The following TENM3 variants were observed in gnomAD, a reference collection of about 807,000 sequenced individuals.
TENM3 encodes the protein teneurin transmembrane protein 3.
In TENM3, 63 loss-of-function variants were observed where a neutral mutation model predicts 255.1. The observed-to-expected ratio is 0.25, with a 90% CI of 0.20 to 0.30. The LOEUF is 0.30. Among genes scored for constraint, TENM3 ranks in the 10% least tolerant of loss-of-function variants. The probability of loss-of-function intolerance (pLI) is 1.00; values close to 1 mark genes in which losing one functional copy is unlikely to be tolerated. For synonymous variants in TENM3, 1,306 were observed against 1,322.3 expected (o/e 0.99, Z 0.27); for missense variants, 2,929 against 3,461.1 (o/e 0.85, Z 3.86).
At chr4:182,126,405 A>G in the TENM3 span, among the ~76,000 whole-genome samples, 4 of 152,192 alleles carry the variant, frequency 2.6e-5, no homozygotes, top group East Asian at 7.7e-4. Flanking sequence ...TCCACAAAAC[A>G]ATAGTCTCTT....
chr4:182,252,580 C>T (rs1211227313), intron 1 of TENM3, among the ~76,000 whole-genome samples: 1 of 152,046 alleles, frequency 6.6e-6, no homozygotes, highest in East Asian at 1.9e-4. Context: ...CCTTCAGAGT[C>T]CCTCCTATTG....
intron 1 of TENM3, among the ~76,000 whole-genome samples, chr4:182,198,705 C>T (rs1000461262): frequency 1.2e-4 from 18 of 152,266 alleles, no homozygotes; most frequent in African/African-American, 3.1e-4. Flanking sequence ...GGAGTGGATG[C>T]GGACTGTTTT....
the TENM3 span, among the ~76,000 whole-genome samples, chr4:181,467,136 TTTTTTTTTTTTTA>T: frequency 1.6e-5 from 1 of 62,024 alleles, no homozygotes; most frequent in East Asian, 4.3e-4. Context: ...TTTTTTTTTT[TTTTTTTTTTTTTA>T]GGCAGAGTCT....
intron 3 of TENM3, among the ~76,000 whole-genome samples, chr4:182,558,678 G>A (rs1742816427): frequency 6.6e-6 from 1 of 152,052 alleles, no homozygotes; most frequent in Admixed American, 6.6e-5. Flanking sequence ...TCTTATTATA[G>A]CACAAAATGG....
chr4:182,251,165 T>C (rs1757990170), intron 1 of TENM3, among the ~76,000 whole-genome samples: 1 of 152,122 alleles, frequency 6.6e-6, no homozygotes, highest in Non-Finnish European at 1.5e-5. Flanking sequence ...AAAAAACCTT[T>C]CCACTTAGAA....
intron 1 of TENM3, among the ~76,000 whole-genome samples, chr4:182,303,312 T>C (rs1761951156): frequency 6.6e-6 from 1 of 152,234 alleles, no homozygotes; most frequent in Non-Finnish European, 1.5e-5. Context: ...ATTTCACACG[T>C]TGGTTACTGT....
chr4:181,551,243 G>A, the TENM3 span, among the ~76,000 whole-genome samples: 1 of 152,102 alleles, frequency 6.6e-6, no homozygotes, highest in Non-Finnish European at 1.5e-5. Flanking sequence ...TGCTCTTTCT[G>A]GAAGATCTAA....
intron 1 of TENM3, among the ~76,000 whole-genome samples, chr4:182,189,919 A>T (rs1346305928): frequency 6.6e-6 from 1 of 152,248 alleles, no homozygotes; most frequent in Non-Finnish European, 1.5e-5. Flanking sequence ...TGAAAATACA[A>T]TTTTGTGGAT....
At chr4:182,344,700 G>A (rs1309658978) in intron 2 of TENM3, among the ~76,000 whole-genome samples, 3 of 151,958 alleles carry the variant, frequency 2.0e-5, no homozygotes, top group Admixed American at 2.0e-4. Context: ...AAAAACAAAG[G>A]ATCTTATTTA....
the TENM3 span, among the ~76,000 whole-genome samples, chr4:181,558,633 G>A: frequency 6.6e-6 from 1 of 152,194 alleles, no homozygotes; most frequent in South Asian, 2.1e-4. Flanking sequence ...ATTCCTGGTT[G>A]CAATGATGCC....
At chr4:181,839,811 G>A in the TENM3 span, among the ~76,000 whole-genome samples, 1 of 151,580 alleles carries the variant, frequency 6.6e-6, no homozygotes, top group African/African-American at 2.4e-5. Context: ...CTACATTCAT[G>A]ATCTTCTCTT....
intron 3 of TENM3, among the ~76,000 whole-genome samples, chr4:182,449,239 T>G (rs1009943148): frequency 6.3e-4 from 1 of 1,580 alleles, no homozygotes. Flanking sequence ...GCTCCGCTCT[T>G]CTCCCTTGTG....
Position 182,387,984 on chromosome 4 carries a change from G to C in TENM3, c.511+41055G>C, listed in dbSNP as rs78474670. ...CAAACGAAACCAGCCATTCAGTCTTGCTTTGGAATTTTTTTTTCTCTCCAT... is the reference window on the plus strand; with the variant it reads ...CAAACGAAACCAGCCATTCAGTCTTCCTTTGGAATTTTTTTTTCTCTCCAT... On this transcript the variant is annotated intron_variant, in intron 3 of 27. Transcript: ENST00000511685. Among the ~76,000 whole-genome samples, 161 of 150,372 alleles carry C rather than the reference G, an allele frequency of 1.1e-3. 1 individual carries two copies. In the East Asian group the frequency reaches 0.024, roughly 22 times the overall value.
chr4:181,608,348 C>G, the TENM3 span, among the ~76,000 whole-genome samples: 1 of 152,168 alleles, frequency 6.6e-6, no homozygotes, highest in Admixed American at 6.5e-5. Context: ...CTGCCCCTCT[C>G]CAAGAGGTTC....
At chr4:182,781,593 C>G (rs1321375544) in intron 24 of TENM3, among the ~76,000 whole-genome samples, 1 of 151,902 alleles carries the variant, frequency 6.6e-6, no homozygotes, top group East Asian at 1.9e-4. Flanking sequence ...AGGATTCCCT[C>G]TTTTTCTGTT....
the TENM3 span, among the ~76,000 whole-genome samples, chr4:181,994,322 G>A: frequency 6.6e-6 from 1 of 152,092 alleles, no homozygotes; most frequent in African/African-American, 2.4e-5. Flanking sequence ...TCATTCAGAT[G>A]CCTTTGAATA....
intron 3 of TENM3, among the ~76,000 whole-genome samples, chr4:182,582,398 G>A (rs1288939918): frequency 6.6e-6 from 1 of 152,106 alleles, no homozygotes; most frequent in African/African-American, 2.4e-5. Flanking sequence ...ACAGGAATAC[G>A]TACCTACAGC....
the TENM3 span, among the ~76,000 whole-genome samples, chr4:181,843,199 A>T: frequency 6.6e-6 from 1 of 152,214 alleles, no homozygotes; most frequent in Admixed American, 6.5e-5. Context: ...AAAATGTTCA[A>T]ATTCAAACTA....
At chr4:182,714,029 T>C (rs1159265531) in intron 12 of TENM3, 58 bp from the exon 13 acceptor site, 84 of 1,499,000 alleles carry the variant, frequency 5.6e-5, no homozygotes, top group South Asian at 4.2e-4. Flanking sequence ...ATCTGTTTAT[T>C]TTAGGTGCAA....
Sources: gnomAD v4.1 joint callset for allele counts (sites outside exome capture counted in the v4.1 genomes callset) on GRCh38, gnomAD v4.1.1 for gene constraint, MANE v1.5 for transcripts, NCBI Gene and HGNC (gene_info 2026-07-23, HGNC 2026-07-21) for gene names.